Variants in MBTPS1 observed in about 807,000 individuals in gnomAD.
MBTPS1 encodes membrane-bound transcription factor site-1 protease.
A neutral mutation model predicts 127.8 loss-of-function variants in MBTPS1; 94 were observed. The ratio of observed to expected loss-of-function variants is 0.74; its 90% CI spans 0.62 to 0.87. The LOEUF (loss-of-function observed/expected upper bound fraction) is 0.87, where lower values mean the gene tolerates loss of function less well. MBTPS1 is among the 40% of genes least tolerant of loss of function. The probability of loss-of-function intolerance (pLI) is 0.00; values close to 1 mark genes in which losing one functional copy is unlikely to be tolerated. For missense variants in MBTPS1, 1,636 were observed against 1,353.2 expected, an observed-to-expected ratio of 1.21 and a Z score of -3.28; for synonymous variants, 632 against 509.4, an observed-to-expected ratio of 1.24 and a Z score of -3.24.
At chr16:84,116,485 T>C (rs1209688841) in intron 1 of MBTPS1, among the ~76,000 whole-genome samples, 2 of 152,204 alleles carry the variant, frequency 1.3e-5, no homozygotes, top group Non-Finnish European at 2.9e-5. Flanking sequence ...ACTCGGTGAA[T>C]GCTCATTTCA....
chr16:84,116,117 T>A (rs1207242639), intron 1 of MBTPS1, among the ~76,000 whole-genome samples: 3 of 152,162 alleles, frequency 2.0e-5, no homozygotes, highest in African/African-American at 7.2e-5. Flanking sequence ...GAAGTGTCAA[T>A]CAGAATCTAA....
At chr16:84,078,494 G>T (rs1255743590) in intron 11 of MBTPS1, among the ~76,000 whole-genome samples, 1 of 151,820 alleles carries the variant, frequency 6.6e-6, no homozygotes, top group East Asian at 1.9e-4. Context: ...GACCAGCAGT[G>T]CCACCTTACC....
intron 11 of MBTPS1, among the ~76,000 whole-genome samples, chr16:84,081,146 G>A (rs1046116907): frequency 5.3e-5 from 8 of 152,212 alleles, no homozygotes; most frequent in Non-Finnish European, 8.8e-5. Flanking sequence ...TCATACTGAG[G>A]TTATGGAAGA....
intron 17 of MBTPS1, 77 bp downstream of exon 17, chr16:84,066,412 C>T: frequency 6.8e-7 from 1 of 1,460,648 alleles, no homozygotes; most frequent in African/African-American, 1.4e-5. Context: ...TTCTCTTTCT[C>T]AAGAAATCTA....
At chr16:84,098,194 TC>T (rs1300662766) in intron 3 of MBTPS1, among the ~76,000 whole-genome samples, 4 of 152,202 alleles carry the variant, frequency 2.6e-5, no homozygotes, top group Non-Finnish European at 5.9e-5. Context: ...CCAAGTTGCT[TC>T]CATGCTCACA....
rs751079150 is a variant in MBTPS1, at chr16:84,070,040, T to TA, written c.1783-3dup. ...AGTCTGTTCTGCACCATTTTTTGAC[T>TA]AAAAAAAAAGAAAAGAAACTTGAAA... On this transcript the variant is annotated splice_region_variant and splice_polypyrimidine_tract_variant and intron_variant, in intron 13 of 22. Transcript: ENST00000343411. 297 of 1,530,248 alleles carry TA rather than the reference T, an allele frequency of 1.9e-4. No homozygotes were observed. The highest frequency in any genetic ancestry group is 5.8e-4 in the South Asian group (46 of 79,550). The allele number at this position is 1,530,248 out of a possible 1,614,324, so 94.8% of individuals were successfully genotyped here.
intron 2 of MBTPS1, among the ~76,000 whole-genome samples, chr16:84,099,646 G>C (rs957339841): frequency 6.6e-6 from 1 of 151,990 alleles, no homozygotes; most frequent in Non-Finnish European, 1.5e-5. Flanking sequence ...TTAGCTGGGT[G>C]TGGTGGTGGG....
At position 84,107,305 on chromosome 16, in the gene MBTPS1, T is replaced by C. The variant is rs546604986; in HGVS notation, c.-324-5198A>G. 5.1e-4 allele frequency among the ~76,000 whole-genome samples: 78 copies of C among 152,252 alleles called. 2 individuals carry two copies. Among genetic ancestry groups the C allele is most frequent in the Non-Finnish European group, 9.6e-4 (65 of 68,018 alleles). ...ACTGTACCTTACCAAGCCTGTCAAC[T>C]CCAGCCCACCTGCTCTAGTCACCAA... On this transcript the variant is annotated intron_variant, in intron 1 of 22. Coordinates refer to ENST00000343411, the MANE Select transcript of MBTPS1 (RefSeq NM_003791.4).
chr16:84,077,491 G>A (rs2085877725), intron 11 of MBTPS1, among the ~76,000 whole-genome samples: 1 of 152,128 alleles, frequency 6.6e-6, no homozygotes, highest in African/African-American at 2.4e-5. Context: ...AATCACTGGG[G>A]CAAAGATGGA....
At chr16:84,073,318 G>A (rs62048206) in intron 12 of MBTPS1, among the ~76,000 whole-genome samples, 1 of 152,128 alleles carries the variant, frequency 6.6e-6, no homozygotes, top group South Asian at 2.1e-4. Context: ...ATTTTTAGTA[G>A]AGACGGGGTT....
intron 8 of MBTPS1, among the ~76,000 whole-genome samples, chr16:84,090,583 A>G (rs951373383): frequency 1.1e-4 from 16 of 152,246 alleles, no homozygotes; most frequent in Non-Finnish European, 1.9e-4. Context: ...GGGGAAAAAA[A>G]GTAGTTAGAA....
Position 84,066,625 on chromosome 16 carries a change from G to C in MBTPS1, c.2229-12C>G, listed in dbSNP as rs1213993038. 1 of 1,613,422 alleles carries C rather than the reference G, an allele frequency of 6.2e-7. No individual in the cohort carries two copies. Among genetic ancestry groups the C allele is most frequent in the Non-Finnish European group, 8.5e-7 (1 of 1,179,772 alleles). On this transcript the variant is annotated splice_polypyrimidine_tract_variant and intron_variant, in intron 16 of 22. Coordinates refer to ENST00000343411, the MANE Select transcript of MBTPS1 (RefSeq NM_003791.4). The stretch of plus-strand genomic sequence containing the variant: ...GCATCCACCACTGCCTGGGAAAGTG[G>C]TAACAGACACACAGGGAACAGGGAA...
intron 9 of MBTPS1, 50 bp downstream of exon 9, chr16:84,087,308 C>T (rs769395742): frequency 2.5e-5 from 36 of 1,431,850 alleles, no homozygotes; most frequent in Non-Finnish European, 3.3e-5. Context: ...TGCCACTAGC[C>T]ACAGTAGTTT....
At chr16:84,095,831 G>T (rs369147016) in intron 3 of MBTPS1, 26 bp from the exon 4 acceptor site, 274 of 1,595,384 alleles carry the variant, frequency 1.7e-4, no homozygotes, top group Middle Eastern at 1.3e-3. Context: ...AGAAAGATCA[G>T]AACAGAAGAG....
intron 21 of MBTPS1, chr16:84,057,793 A>G (rs1025782538): frequency 6.6e-6 from 1 of 152,244 alleles, no homozygotes; most frequent in Non-Finnish European, 1.5e-5. Flanking sequence ...GATTGTGAAA[A>G]TCAAATTCCA....
At chr16:84,116,043 A>G (rs1021058523) in intron 1 of MBTPS1, among the ~76,000 whole-genome samples, 3 of 152,162 alleles carry the variant, frequency 2.0e-5, no homozygotes, top group Non-Finnish European at 4.4e-5. Flanking sequence ...TTACCTACAC[A>G]GTTCAGACTA....
At chr16:84,093,979 G>A (rs1377493028) in intron 4 of MBTPS1, among the ~76,000 whole-genome samples, 158 bp from the exon 5 acceptor site, 1 of 152,132 alleles carries the variant, frequency 6.6e-6, no homozygotes, top group Admixed American at 6.5e-5. Context: ...CTGCTCCCAG[G>A]GTCAGCTGGC....
intron 13 of MBTPS1, among the ~76,000 whole-genome samples, chr16:84,070,261 T>A (rs1372440074): frequency 1.3e-5 from 2 of 152,230 alleles, no homozygotes; most frequent in African/African-American, 4.8e-5. Flanking sequence ...CAATAAAAAC[T>A]ACTAGAGCCT....
At chr16:84,067,874 C>A (rs1420655624) in intron 15 of MBTPS1, 51 bp from the exon 16 acceptor site, 1 of 1,558,784 alleles carries the variant, frequency 6.4e-7, no homozygotes, top group Middle Eastern at 1.7e-4. Context: ...AATGACAGGA[C>A]ACCACCACGG....
Sources: gnomAD v4.1 joint callset for allele counts (sites outside exome capture counted in the v4.1 genomes callset) on GRCh38, gnomAD v4.1.1 for gene constraint, MANE v1.5 for transcripts, NCBI Gene and HGNC (gene_info 2026-07-23, HGNC 2026-07-21) for gene names.